The following FBXO15 variants were observed in gnomAD, a reference collection of about 807,000 sequenced individuals.
FBXO15 encodes the protein F-box protein 15, also known as F-box only protein 15.
FBXO15 carries 30 observed loss-of-function variants against 49.5 expected under a neutral mutation model. The observed-to-expected ratio is 0.61, with a 90% CI of 0.45 to 0.82. The LOEUF (loss-of-function observed/expected upper bound fraction) is 0.82, where lower values mean the gene tolerates loss of function less well. Ranked by LOEUF, FBXO15 falls within the 40% of genes least tolerant of loss-of-function variation. The pLI, the probability that FBXO15 is intolerant of heterozygous loss-of-function variation, is 0.00. For missense variants in FBXO15, 591 were observed against 631.5 expected (o/e 0.94, Z 0.69); for synonymous variants, 250 against 232.7 (o/e 1.07, Z -0.68).
At position 74,124,130 on chromosome 18, in the gene FBXO15, T is replaced by C. The variant is rs1481485045; in HGVS notation, c.995+359A>G. On this transcript the variant is annotated intron_variant, in intron 7 of 9. Coordinates refer to ENST00000419743, the MANE Select transcript of FBXO15 (RefSeq NM_001142958.2). ...ACACTGTCCAGACCGGACAGAATCA[T>C]CCGCAGGCCAGGTTCAGCCCAAGGG... Among the ~76,000 whole-genome samples the C allele has an allele frequency of 2.6e-5, 4 of 152,146 alleles. No individual in the cohort carries two copies. The East Asian group carries it at 7.7e-4, about 29-fold the overall frequency.
intron 8 of FBXO15, among the ~76,000 whole-genome samples, chr18:74,096,031 G>A (rs1913257085): frequency 6.6e-6 from 1 of 152,100 alleles, no homozygotes; most frequent in Non-Finnish European, 1.5e-5. Flanking sequence ...CCATAACCAA[G>A]GGCGTCGAAA....
Position 74,124,378 on chromosome 18 carries a change from T to C in FBXO15, c.995+111A>G, listed in dbSNP as rs559191078. On this transcript the variant is annotated intron_variant, in intron 7 of 9. Coordinates refer to ENST00000419743, the MANE Select transcript of FBXO15 (RefSeq NM_001142958.2). ...GTGCCTGTTGGTTTGTGTTTACTGA[T>C]TAAAAACAGAATATCTCTGCAGCTA... 30 of 884,532 alleles carry C rather than the reference T, an allele frequency of 3.4e-5. No homozygotes were observed. The East Asian group carries it at 7.2e-4, about 21-fold the overall frequency. 54.8% of individuals were successfully genotyped at this position (884,532 alleles called of 1,614,324 possible).
chr18:74,141,304 G>A (rs1050562287), intron 1 of FBXO15, among the ~76,000 whole-genome samples: 1 of 152,162 alleles, frequency 6.6e-6, no homozygotes, highest in African/African-American at 2.4e-5. Context: ...CACCCGGAGA[G>A]CCATGAATGG....
At chr18:74,129,718 C>T in intron 4 of FBXO15, 104 bp from the exon 5 acceptor site, 2 of 934,274 alleles carry the variant, frequency 2.1e-6, no homozygotes, top group South Asian at 3.5e-5. Context: ...TCCTTAAAAG[C>T]CAAAGTCAAA....
intron 8 of FBXO15, among the ~76,000 whole-genome samples, chr18:74,087,835 T>G (rs576460994): frequency 1.3e-5 from 2 of 152,292 alleles, no homozygotes; most frequent in Non-Finnish European, 2.9e-5. Context: ...ACACCAGCAG[T>G]GTATAAGTGT....
At position 74,123,520 on chromosome 18, in the gene FBXO15, A is replaced by G. The variant is rs1418800313; in HGVS notation, c.996-10T>C. On this transcript the variant is annotated splice_polypyrimidine_tract_variant and intron_variant, in intron 7 of 9. Transcript: ENST00000419743. ...AGGCAGTTCATAGGGGCTGAAAAGC[A>G]AAACAAAAGAAACATACAAATTTGT... is the stretch of plus-strand genomic sequence containing the variant. The G allele has an allele frequency of 1.3e-6, 2 of 1,582,774 alleles. No individual in the cohort carries two copies. Among genetic ancestry groups the G allele is most frequent in the Non-Finnish European group, 8.5e-7 (1 of 1,171,620 alleles).
At chr18:74,096,367 C>G (rs1913274465) in intron 8 of FBXO15, among the ~76,000 whole-genome samples, 2 of 152,084 alleles carry the variant, frequency 1.3e-5, no homozygotes, top group South Asian at 2.1e-4. Context: ...CCTTCTCACA[C>G]CGCCAGGATA....
chr18:74,129,641 T>A lies in FBXO15; in HGVS notation c.576-27A>T, dbSNP rs758770166. 1.7e-5 allele frequency: 27 copies of A among 1,568,368 alleles called. No homozygotes were observed. In the South Asian group the frequency reaches 2.6e-4, roughly 15 times the overall value. On this transcript the variant is annotated intron_variant, in intron 4 of 9. Transcript: ENST00000419743. ...TGGAGAAAGAAAAAAAAACTAACAATGTTTGCCTCATTGAAAAAAAAAAAA... is the reference window on the plus strand; with the variant it reads ...TGGAGAAAGAAAAAAAAACTAACAAAGTTTGCCTCATTGAAAAAAAAAAAA...
intron 8 of FBXO15, chr18:74,097,433 G>C (rs1029879965): frequency 2.0e-5 from 3 of 152,778 alleles, no homozygotes; most frequent in African/African-American, 7.2e-5. Context: ...TGCGGTGGAA[G>C]TGAGATCAGC....
rs146824484 is a variant in FBXO15, at chr18:74,121,729, T to A, written c.1138+1639A>T. Among the ~76,000 whole-genome samples the A allele has an allele frequency of 7.1e-3, 1,086 of 152,052 alleles. 11 individuals carry two copies. Among genetic ancestry groups the A allele is most frequent in the African/African-American group, 0.023 (961 of 41,460 alleles). ...CTATAACTGACTATAAATTATTAAA[T>A]AAATAAATATCCAAGAGTCCAAAGT... is the stretch of plus-strand genomic sequence containing the variant. On this transcript the variant is annotated intron_variant, in intron 8 of 9. Transcript: ENST00000419743.
intron 3 of FBXO15, among the ~76,000 whole-genome samples, chr18:74,133,277 C>T (rs914410684): frequency 6.6e-6 from 1 of 152,068 alleles, no homozygotes; most frequent in African/African-American, 2.4e-5. Flanking sequence ...CGGCAACTTC[C>T]AAGAAAGTGA....
intron 8 of FBXO15, among the ~76,000 whole-genome samples, chr18:74,089,579 T>G (rs570355021): frequency 6.6e-6 from 1 of 152,210 alleles, no homozygotes; most frequent in Non-Finnish European, 1.5e-5. Flanking sequence ...TGTTATTATT[T>G]TGAAGTATGT....
chr18:74,079,386 T>C (rs759092929), intron 9 of FBXO15, among the ~76,000 whole-genome samples: 6 of 152,190 alleles, frequency 3.9e-5, no homozygotes, highest in Non-Finnish European at 8.8e-5. Context: ...GCGTCCTGCA[T>C]GGATTCAGTA....
At chr18:74,080,792 C>T (rs1912460313) in intron 9 of FBXO15, among the ~76,000 whole-genome samples, 1 of 152,066 alleles carries the variant, frequency 6.6e-6, no homozygotes, top group African/African-American at 2.4e-5. Context: ...TCCCTTTTTT[C>T]TCCCAATGAG....
chr18:74,125,925 G>T, intron 6 of FBXO15, 50 bp downstream of exon 6: 1 of 1,600,654 alleles, frequency 6.2e-7, no homozygotes, highest in Non-Finnish European at 8.5e-7. Context: ...AAGTAAATGT[G>T]GTATTGTGAT....
chr18:74,096,224 A>G (rs1292495185), intron 8 of FBXO15, among the ~76,000 whole-genome samples: 1 of 152,156 alleles, frequency 6.6e-6, no homozygotes, highest in Non-Finnish European at 1.5e-5. Flanking sequence ...GAGAGGTGAG[A>G]CTATCATCCC....
intron 8 of FBXO15, among the ~76,000 whole-genome samples, chr18:74,088,582 A>G (rs990672330): frequency 2.0e-5 from 3 of 152,184 alleles, no homozygotes; most frequent in African/African-American, 4.8e-5. Context: ...TTATGCAAGT[A>G]CCATGCTGTT....
intron 1 of FBXO15, 131 bp from the exon 2 acceptor site, chr18:74,140,443 G>A: frequency 3.1e-5 from 23 of 739,084 alleles, no homozygotes; most frequent in Admixed American, 3.7e-5. Context: ...TTTCTGCAAA[G>A]AAAAAAAGGA....
At chr18:74,144,245 G>C (rs1979265473) in intron 1 of FBXO15, among the ~76,000 whole-genome samples, 2 of 152,220 alleles carry the variant, frequency 1.3e-5, no homozygotes, top group South Asian at 4.1e-4. Flanking sequence ...AAAGAAAAGA[G>C]ATCTAGAGAC....
Sources: gnomAD v4.1 joint callset for allele counts (sites outside exome capture counted in the v4.1 genomes callset) on GRCh38, gnomAD v4.1.1 for gene constraint, MANE v1.5 for transcripts, NCBI Gene and HGNC (gene_info 2026-07-23, HGNC 2026-07-21) for gene names.